The following RUNX1T1 variants were observed in gnomAD, a reference collection of about 807,000 sequenced individuals.
RUNX1T1 encodes the protein protein CBFA2T1.
Under a neutral mutation model 62.8 loss-of-function variants are expected in RUNX1T1, and 4 were observed. That is an observed-to-expected ratio of 0.06 (90% CI 0.03 to 0.15). The LOEUF (loss-of-function observed/expected upper bound fraction) is 0.15, where lower values mean the gene tolerates loss of function less well. RUNX1T1 is among the 10% of genes least tolerant of loss of function. The probability of loss-of-function intolerance (pLI) is 1.00; values close to 1 mark genes in which losing one functional copy is unlikely to be tolerated. For synonymous variants in RUNX1T1, 291 were observed against 286.0 expected (o/e 1.02, Z -0.18); for missense variants, 508 against 754.3 (o/e 0.67, Z 3.82).
At chr8:91,970,714 G>A (rs1461828635) in exon 10 of RUNX1T1, 3 of 1,613,444 alleles carry the variant, frequency 1.9e-6, no homozygotes, top group Non-Finnish European at 1.7e-6. Context: ...GCCGCCTGCC[G>A]TTTGGCCTCG....
rs998118717 is a variant in RUNX1T1, at chr8:91,959,430, G to C, written c.*812C>G. 30 of 95,108 alleles carry C rather than the reference G, an allele frequency of 3.2e-4. 1 individual carries two copies. Among genetic ancestry groups the C allele is most frequent in the African/African-American group, 1.5e-3 (18 of 11,898 alleles). The allele number at this position is 95,108 out of a possible 1,614,324, so 5.9% of individuals were successfully genotyped here. A position where few individuals can be genotyped will look rare whatever the true frequency, so the allele number is the denominator to read the frequency against. ...CTCTTACTTGTGTGTGTGTGTGTGT[G>C]TGTGTGTGTGTGTGTGTGTGTGTGT... On this transcript the variant is annotated 3_prime_UTR_variant, in exon 11 of 11. Coordinates refer to ENST00000396218, the Ensembl canonical transcript of RUNX1T1.
chr8:92,014,100 T>G (rs917883213), intron 3 of RUNX1T1, among the ~76,000 whole-genome samples: 1 of 152,082 alleles, frequency 6.6e-6, no homozygotes, highest in African/African-American at 2.4e-5. Context: ...AAAAGAAGAA[T>G]GTGTTGTTAC....
chr8:91,990,203 C>T (rs1817380915), intron 6 of RUNX1T1, among the ~76,000 whole-genome samples: 1 of 152,200 alleles, frequency 6.6e-6, no homozygotes, highest in Admixed American at 6.5e-5. Context: ...AAAAAACAAC[C>T]ACCATCACTG....
chr8:92,045,447 T>G (rs1422314337), intron 1 of RUNX1T1, among the ~76,000 whole-genome samples: 2 of 152,202 alleles, frequency 1.3e-5, no homozygotes, highest in Non-Finnish European at 2.9e-5. Flanking sequence ...GTGAGATTAT[T>G]CTTTCTGCAA....
chr8:92,034,504 T>G (rs1223351605), intron 1 of RUNX1T1, among the ~76,000 whole-genome samples: 1 of 152,104 alleles, frequency 6.6e-6, no homozygotes, highest in Non-Finnish European at 1.5e-5. Flanking sequence ...TATAATTATA[T>G]TGATGCATTA....
intron 8 of RUNX1T1, 70 bp from the exon 10 acceptor site, chr8:91,976,043 G>A: frequency 9.0e-7 from 1 of 1,107,802 alleles, no homozygotes; most frequent in Non-Finnish European, 1.4e-6. Flanking sequence ...TCATCGCACA[G>A]AGTGAAAGTA....
intron 1 of RUNX1T1, 46 bp from the exon 3 acceptor site, chr8:92,017,409 T>C: frequency 6.2e-7 from 1 of 1,613,828 alleles, no homozygotes; most frequent in Non-Finnish European, 8.5e-7. Context: ...CTTAAGCACC[T>C]CAGTTTTTCA....
intron 8 of RUNX1T1, among the ~76,000 whole-genome samples, chr8:91,977,921 C>T (rs1057068017): frequency 2.6e-5 from 4 of 151,910 alleles, no homozygotes; most frequent in East Asian, 1.9e-4. Flanking sequence ...CCGAGTAGCT[C>T]GGATTACAGG....
At chr8:92,045,089 G>GAT (rs1477298962) in intron 1 of RUNX1T1, among the ~76,000 whole-genome samples, 6 of 149,320 alleles carry the variant, frequency 4.0e-5, no homozygotes, top group African/African-American at 7.4e-5. Context: ...AAAAGATATC[G>GAT]ATATATATAT....
At chr8:92,100,579 A>C (rs1837989149), upstream of RUNX1T1, among the ~76,000 whole-genome samples, 1 of 152,204 alleles carries the variant, frequency 6.6e-6, no homozygotes. Context: ...ACAAGAAATA[A>C]TGGACTTCAA....
intron 2 of RUNX1T1, among the ~76,000 whole-genome samples, chr8:92,069,460 T>C (rs529496596): frequency 1.6e-3 from 244 of 152,278 alleles, no homozygotes; most frequent in African/African-American, 5.3e-3. Context: ...CACAGGACTT[T>C]CATCTCTAAT....
At chr8:92,024,332 A>G (rs947133160) in intron 1 of RUNX1T1, among the ~76,000 whole-genome samples, 7 of 151,996 alleles carry the variant, frequency 4.6e-5, no homozygotes, top group Non-Finnish European at 7.4e-5. Context: ...AACATGGTAA[A>G]GCCCTGTCTC....
In RUNX1T1 at chr8:92,076,832, A is replaced by G. The variant is rs555386622; in HGVS notation, c.-85-695T>C. Among the ~76,000 whole-genome samples the G allele has an allele frequency of 2.5e-4, 38 of 152,176 alleles. 1 individual carries two copies. The highest frequency in any genetic ancestry group is 2.1e-3 in the Admixed American group (32 of 15,280). ...TAGAATTTGTTCATTCACAATATTT[A>G]TTGTCTATTCCTCACCTACTATGAT... On this transcript the variant is annotated intron_variant, in intron 1 of 11. Coordinates refer to the RUNX1T1 transcript ENST00000265814.
intron 5 of RUNX1T1, among the ~76,000 whole-genome samples, chr8:91,992,595 T>G (rs930158857): frequency 3.3e-5 from 5 of 152,150 alleles, no homozygotes; most frequent in African/African-American, 1.2e-4. Flanking sequence ...TGCAATGCAA[T>G]GTCTGGGACC....
chr8:92,009,728 T>C (rs1327768346), intron 4 of RUNX1T1: 1 of 152,104 alleles, frequency 6.6e-6, no homozygotes, highest in Non-Finnish European at 1.5e-5. Flanking sequence ...AACAAACTTG[T>C]TCAAATTGTT....
intron 1 of RUNX1T1, among the ~76,000 whole-genome samples, chr8:92,056,273 T>G (rs1371549544): frequency 6.6e-6 from 1 of 152,194 alleles, no homozygotes; most frequent in Non-Finnish European, 1.5e-5. Context: ...TCAGTTTACT[T>G]TGTCAAACTC....
chr8:91,973,683 G>A (rs1276043287), intron 9 of RUNX1T1, among the ~76,000 whole-genome samples: 1 of 152,060 alleles, frequency 6.6e-6, no homozygotes, highest in Non-Finnish European at 1.5e-5. Flanking sequence ...GTAACAAGCT[G>A]AGTGCAGATG....
At chr8:92,084,186 T>C (rs1014207146) in intron 1 of RUNX1T1, among the ~76,000 whole-genome samples, 1 of 151,610 alleles carries the variant, frequency 6.6e-6, no homozygotes, top group African/African-American at 2.4e-5. Context: ...CCATGGCACA[T>C]GTATACCTAT....
chr8:91,992,629 G>A (rs1817900444), intron 5 of RUNX1T1, among the ~76,000 whole-genome samples: 2 of 152,126 alleles, frequency 1.3e-5, no homozygotes, highest in South Asian at 4.1e-4. Context: ...GAGTCACCAA[G>A]GTAATCAATC....
Sources: allele counts gnomAD v4.1 joint callset (sites outside exome capture counted in the v4.1 genomes callset), GRCh38; gene constraint gnomAD v4.1.1; transcripts MANE v1.5; gene names NCBI Gene and HGNC (gene_info 2026-07-23, HGNC 2026-07-21).